Variants in PIGK observed in about 807,000 individuals in gnomAD.
PIGK encodes the protein phosphatidylinositol glycan anchor biosynthesis class K.
A neutral mutation model predicts 50.6 loss-of-function variants in PIGK; 42 were observed. That is an observed-to-expected ratio of 0.83 (90% CI 0.65 to 1.07). The LOEUF is 1.07. Among genes scored for constraint, PIGK ranks in the 50% least tolerant of loss-of-function variants. The probability of loss-of-function intolerance (pLI) is 0.00; values close to 1 mark genes in which losing one functional copy is unlikely to be tolerated. For synonymous variants in PIGK, 151 were observed against 156.0 expected (o/e 0.97, Z 0.24); for missense variants, 448 against 488.7 (o/e 0.92, Z 0.78).
At chr1:77,160,016 A>T (rs747762148) in intron 8 of PIGK, among the ~76,000 whole-genome samples, 38 of 152,120 alleles carry the variant, frequency 2.5e-4, no homozygotes, top group Non-Finnish European at 3.7e-4. Flanking sequence ...CTCAAATCTC[A>T]TCTTGAATTG....
At position 77,169,398 on chromosome 1, in the gene PIGK, A is replaced by T; in HGVS notation, c.240-3T>A. ...CTGCAAGCATTAGGACAATGTGACT[A>T]GGGAAAAAAAATCCAGTAAATATAT... On this transcript the variant is annotated splice_polypyrimidine_tract_variant and splice_region_variant and intron_variant, in intron 3 of 10. Transcript: ENST00000370812. 6.3e-7 allele frequency: 1 copy of T among 1,577,070 alleles called. No homozygotes were observed. The highest frequency in any genetic ancestry group is 1.2e-5 in the South Asian group (1 of 82,988).
chr1:77,194,816 G>T, intron 3 of PIGK: 1 of 322,324 alleles, frequency 3.1e-6, no homozygotes, highest in Non-Finnish European at 6.0e-6. Flanking sequence ...AAAAAAAAAA[G>T]ACTCAGTGAC....
rs1261740175 is a variant in PIGK at position 77,138,313 on chromosome 1, C to T, written c.987-15954G>A. Among the ~76,000 whole-genome samples the T allele has an allele frequency of 6.6e-5, 10 of 152,216 alleles. No homozygotes were observed. The East Asian group carries it at 1.9e-3, about 29-fold the overall frequency. On this transcript the variant is annotated intron_variant, in intron 9 of 10. Transcript: ENST00000370812. Reference sequence around the variant, plus strand: ...CAGATTGAAAATAGGAGAGACTCTACTGCAGGCTTTGAAGACACAAACAGC... The same window carrying T: ...CAGATTGAAAATAGGAGAGACTCTATTGCAGGCTTTGAAGACACAAACAGC...
At chr1:77,146,784 G>A (rs1009129706) in intron 9 of PIGK, among the ~76,000 whole-genome samples, 4 of 151,326 alleles carry the variant, frequency 2.6e-5, no homozygotes, top group African/African-American at 9.7e-5. Flanking sequence ...GCGACACAGC[G>A]AGACTCTGTC....
intron 4 of PIGK, among the ~76,000 whole-genome samples, chr1:77,167,094 C>T (rs1299245256): frequency 6.6e-6 from 1 of 152,152 alleles, no homozygotes; most frequent in Non-Finnish European, 1.5e-5. Context: ...ATCAACTCAG[C>T]ACTTTGTGAG....
Position 77,090,682 on chromosome 1 carries a change from TGA to T in PIGK, c.*1690_*1691del, listed in dbSNP as rs1653276547. 6.6e-6 allele frequency: 1 copy of T among 152,258 alleles called. No homozygotes were observed. Among genetic ancestry groups the T allele is most frequent in the Non-Finnish European group, 1.5e-5 (1 of 68,054 alleles). The allele number at this position is 152,258 out of a possible 1,614,324, so 9.4% of individuals were successfully genotyped here. A position where few individuals can be genotyped will look rare whatever the true frequency, so the allele number is the denominator to read the frequency against. ...TCACCGTGGTGTCCACGACCTTGTA[TGA>T]GTGTCTGGAGGGCAACATGGTCAAT... On this transcript the variant is annotated 3_prime_UTR_variant, in exon 11 of 11. Coordinates refer to ENST00000370812, the MANE Select transcript of PIGK (RefSeq NM_005482.3).
At chr1:77,158,983 C>A (rs1469573337) in intron 8 of PIGK, among the ~76,000 whole-genome samples, 1 of 152,110 alleles carries the variant, frequency 6.6e-6, no homozygotes, top group Non-Finnish European at 1.5e-5. Context: ...ATTGCCAAGA[C>A]AATGGGGAAA....
In PIGK at chr1:77,091,475, G is replaced by C. The variant is rs1247891395; in HGVS notation, c.*899C>G. 1 of 152,188 alleles carries C rather than the reference G, an allele frequency of 6.6e-6. No individual in the cohort carries two copies. The highest frequency in any genetic ancestry group is 1.5e-5 in the Non-Finnish European group (1 of 68,026). 9.4% of individuals were successfully genotyped at this position (152,188 alleles called of 1,614,324 possible). On this transcript the variant is annotated 3_prime_UTR_variant, in exon 11 of 11. Coordinates refer to ENST00000370812, the MANE Select transcript of PIGK (RefSeq NM_005482.3). ...TGGGCAAGGAGGTTTACCTAAAACA[G>C]AATGAAATAAAGTCCTTGTTGGCTC... is the stretch of plus-strand genomic sequence containing the variant.
At chr1:77,219,181 TCCTCAAA>T (rs1656659633) in intron 1 of PIGK, 122 bp downstream of exon 1, 2 of 679,922 alleles carry the variant, frequency 2.9e-6, no homozygotes, top group Non-Finnish European at 5.2e-6. Flanking sequence ...AGTGATACCC[TCCTCAAA>T]CCCAGCCTGG....
At position 77,112,458 on chromosome 1, in the gene PIGK, A is replaced by G. The variant is rs534444636; in HGVS notation, c.1071+9817T>C. Among the ~76,000 whole-genome samples, 179 of 152,212 alleles carry G rather than the reference A, an allele frequency of 1.2e-3. 2 individuals are homozygous for G. The Middle Eastern group carries it at 0.017, about 14-fold the overall frequency. On this transcript the variant is annotated intron_variant, in intron 10 of 10. Coordinates refer to ENST00000370812, the MANE Select transcript of PIGK (RefSeq NM_005482.3). ...CCCCGTTACCAGTGATACTTCTGGT[A>G]ATGTTTTTGGTGGATCCCTGGATTT...
intron 3 of PIGK, among the ~76,000 whole-genome samples, chr1:77,190,334 G>A (rs944074669): frequency 1.3e-5 from 2 of 152,128 alleles, no homozygotes; most frequent in Non-Finnish European, 2.9e-5. Context: ...CCAGGAGATC[G>A]AAGTTACAGT....
intron 9 of PIGK, among the ~76,000 whole-genome samples, chr1:77,148,687 T>C (rs1377919927): frequency 1.3e-5 from 2 of 151,932 alleles, no homozygotes; most frequent in Non-Finnish European, 2.9e-5. Context: ...TTTTTGGTGA[T>C]TGAAGTTACG....
intron 9 of PIGK, among the ~76,000 whole-genome samples, chr1:77,130,653 C>G (rs1174376006): frequency 6.6e-6 from 1 of 152,128 alleles, no homozygotes; most frequent in Admixed American, 6.5e-5. Flanking sequence ...AATGCCTCTC[C>G]CACCACTACT....
intron 3 of PIGK, among the ~76,000 whole-genome samples, chr1:77,195,792 A>G (rs994564926): frequency 6.6e-6 from 1 of 151,970 alleles, no homozygotes; most frequent in African/African-American, 2.4e-5. Flanking sequence ...GAATCTAGAT[A>G]TTTATATATC....
intron 10 of PIGK, among the ~76,000 whole-genome samples, chr1:77,120,667 G>A (rs752935333): frequency 8.5e-5 from 13 of 152,140 alleles, no homozygotes; most frequent in Non-Finnish European, 1.9e-4. Context: ...AGGAATAAAT[G>A]AAGAGTCTGC....
chr1:77,206,699 T>C lies in PIGK; in HGVS notation c.180A>G (p.Arg60=), dbSNP rs1216958300. The C allele has an allele frequency of 6.2e-7, 1 of 1,611,974 alleles. No homozygotes were observed. The highest frequency in any genetic ancestry group is 1.7e-5 in the Admixed American group (1 of 59,988). The change falls in exon 3 of 11, where the codon CGA becomes CGG. Residue 60 remains arginine (R), a synonymous_variant. Coordinates refer to ENST00000370812, the MANE Select transcript of PIGK (RefSeq NM_005482.3). Reference sequence around the variant, plus strand: ...AAACAGAAAGGGTATTTGCAACATGTCGATAATTAAACCAGAATCGGGATG... The same window carrying C: ...AAACAGAAAGGGTATTTGCAACATGCCGATAATTAAACCAGAATCGGGATG... ...VCTSRFWFNY[R]HVANTLSVYR... is the part of the protein sequence containing the mutation.
intron 10 of PIGK, among the ~76,000 whole-genome samples, chr1:77,101,226 A>G (rs72681885): frequency 0.026 from 3,897 of 152,336 alleles, 78 homozygotes; most frequent in Non-Finnish European, 0.041. Context: ...ACTTAAAGTT[A>G]TGACATTACC....
At chr1:77,219,234 G>T in intron 1 of PIGK, 76 bp downstream of exon 1, 1 of 1,236,622 alleles carries the variant, frequency 8.1e-7, no homozygotes, top group Non-Finnish European at 1.2e-6. Flanking sequence ...GCGTCCCTCA[G>T]CTACTGTGTA....
chr1:77,124,047 G>A (rs554717985), intron 9 of PIGK, among the ~76,000 whole-genome samples: 2 of 151,742 alleles, frequency 1.3e-5, no homozygotes, highest in South Asian at 2.1e-4. Context: ...CCATCTACAC[G>A]TCAAGGAGAG....
Sources: gnomAD v4.1 joint callset for allele counts (sites outside exome capture counted in the v4.1 genomes callset) on GRCh38, gnomAD v4.1.1 for gene constraint, MANE v1.5 for transcripts, NCBI Gene and HGNC (gene_info 2026-07-23, HGNC 2026-07-21) for gene names.